Variants in ALG12 observed in about 807,000 individuals in gnomAD.
ALG12 encodes the protein ALG12 alpha-1,6-mannosyltransferase.
ALG12 carries 36 observed loss-of-function variants against 46.0 expected under a neutral mutation model. That is an observed-to-expected ratio of 0.78 (90% CI 0.60 to 1.03). The LOEUF is 1.03. Among genes scored for constraint, ALG12 ranks in the 50% least tolerant of loss-of-function variants. The probability of loss-of-function intolerance (pLI) is 0.00; values close to 1 mark genes in which losing one functional copy is unlikely to be tolerated. For missense variants in ALG12, 599 were observed against 633.5 expected, an observed-to-expected ratio of 0.95 and a Z score of 0.58; for synonymous variants, 326 against 291.6, an observed-to-expected ratio of 1.12 and a Z score of -1.20.
the ALG12 span, among the ~76,000 whole-genome samples, chr22:49,881,203 GC>G: frequency 6.6e-6 from 1 of 152,186 alleles, no homozygotes; most frequent in Non-Finnish European, 1.5e-5. Context: ...AAAGGAATTA[GC>G]CGGGTGTCAT....
At chr22:49,883,403 C>G in the ALG12 span, 1 of 340,898 alleles carries the variant, frequency 2.9e-6, no homozygotes, top group Admixed American at 4.4e-5. Flanking sequence ...ACCAGAAGCA[C>G]GTCTCTGCTG....
At chr22:49,915,936 G>T (rs971362509) in intron 1 of ALG12, among the ~76,000 whole-genome samples, 1 of 152,144 alleles carries the variant, frequency 6.6e-6, no homozygotes, top group South Asian at 2.1e-4. Context: ...CCTACATGGG[G>T]TTCTCATCAC....
At chr22:49,883,634 A>C in the ALG12 span, 4 of 1,509,008 alleles carry the variant, frequency 2.7e-6, no homozygotes, top group Non-Finnish European at 3.6e-6. Flanking sequence ...TATGAACCTA[A>C]GATACAGCCG....
chr22:49,897,707 G>A (rs1437001950), downstream of ALG12, among the ~76,000 whole-genome samples: 1 of 126,918 alleles, frequency 7.9e-6, no homozygotes, highest in Non-Finnish European at 1.6e-5. Context: ...TTGCTCTGTC[G>A]CCCAGGCTGC....
chr22:49,870,943 A>AGTTT, the ALG12 span, among the ~76,000 whole-genome samples: 2 of 138,112 alleles, frequency 1.4e-5, no homozygotes, highest in African/African-American at 2.7e-5. Flanking sequence ...TAAAAGATAG[A>AGTTT]TTTTTTTTTT....
the ALG12 span, chr22:49,886,055 C>G: frequency 1.5e-6 from 1 of 681,164 alleles, no homozygotes; most frequent in Non-Finnish European, 2.7e-6. The surrounding 1 kb of genome is among the most constrained non-coding windows in gnomAD (Gnocchi z 7.7). Context: ...TGGGTGACCT[C>G]CACCGGCCTT....
chr22:49,916,658 C>T (rs1179265158), intron 1 of ALG12, among the ~76,000 whole-genome samples: 1 of 152,240 alleles, frequency 6.6e-6, no homozygotes, highest in Non-Finnish European at 1.5e-5. Flanking sequence ...TCAAGACCAA[C>T]CTGGGCTACA....
At chr22:49,899,574 GACC>G (rs906971921), downstream of ALG12, among the ~76,000 whole-genome samples, 1 of 151,914 alleles carries the variant, frequency 6.6e-6, no homozygotes. Flanking sequence ...TGCAAAATGG[GACC>G]ACCCTGTGGA....
At chr22:49,875,428 T>C in the ALG12 span, among the ~76,000 whole-genome samples, 9 of 151,434 alleles carry the variant, frequency 5.9e-5, no homozygotes, top group South Asian at 2.1e-4. Context: ...CTTTTTTTTT[T>C]TCTTTTTTTT....
At chr22:49,875,908 C>T in the ALG12 span, among the ~76,000 whole-genome samples, 1 of 151,084 alleles carries the variant, frequency 6.6e-6, no homozygotes, top group East Asian at 1.9e-4. Flanking sequence ...ATTGCTCTTT[C>T]CCAAGAACCA....
chr22:49,886,440 G>A, the ALG12 span: 1 of 1,581,062 alleles, frequency 6.3e-7, no homozygotes, highest in Non-Finnish European at 8.6e-7. This position sits in a 1 kb window ranked among gnomAD's most constrained non-coding sequence, Gnocchi z 7.7. Flanking sequence ...GCTGCGACCA[G>A]TGGGAGGTCA....
At chr22:49,880,244 T>C in the ALG12 span, among the ~76,000 whole-genome samples, 1 of 152,200 alleles carries the variant, frequency 6.6e-6, no homozygotes, top group East Asian at 1.9e-4. Flanking sequence ...TCACTCTTGG[T>C]GGTGGAAACA....
At chr22:49,883,965 C>T in the ALG12 span, 59 of 1,613,386 alleles carry the variant, frequency 3.7e-5, no homozygotes, top group Non-Finnish European at 4.7e-5. Context: ...CCATGGAGGC[C>T]GTGACCCAGA....
rs199552388 is a variant in ALG12 at position 49,903,719 on chromosome 22, T to C, written c.*119A>G. Reference sequence around the variant, plus strand: ...TGGTCTGGTGTCTGTCAGAGGCAGGTGCCCAGTCCTTTGACTTGCTTCTCT... The same window carrying C: ...TGGTCTGGTGTCTGTCAGAGGCAGGCGCCCAGTCCTTTGACTTGCTTCTCT... On this transcript the variant is annotated 3_prime_UTR_variant, in exon 10 of 10. Transcript: ENST00000330817. 1.7e-6 allele frequency: 2 copies of C among 1,156,216 alleles called. No homozygotes were observed. Among genetic ancestry groups the C allele is most frequent in the South Asian group, 1.3e-5 (1 of 77,556 alleles). The allele number at this position is 1,156,216 out of a possible 1,614,324, so 71.6% of individuals were successfully genotyped here.
chr22:49,886,469 C>T, the ALG12 span: 49 of 1,569,126 alleles, frequency 3.1e-5, no homozygotes, highest in Admixed American at 2.4e-4. The surrounding 1 kb of genome is among the most constrained non-coding windows in gnomAD (Gnocchi z 7.7). Context: ...GTGTGCCGTG[C>T]GCTAAAGCCC....
At position 49,901,265 on chromosome 22, in the gene ALG12, A is replaced by G. The variant is rs2060503555; in HGVS notation, c.*2573T>C. 1 of 152,298 alleles carries G rather than the reference A, an allele frequency of 6.6e-6. No homozygotes were observed. Among genetic ancestry groups the G allele is most frequent in the South Asian group, 2.1e-4 (1 of 4,838 alleles). The allele number at this position is 152,298 out of a possible 1,614,324, so 9.4% of individuals were successfully genotyped here. A position where few individuals can be genotyped will look rare whatever the true frequency, so the allele number is the denominator to read the frequency against. On this transcript the variant is annotated 3_prime_UTR_variant, in exon 10 of 10. Transcript: ENST00000330817. Reference sequence around the variant, plus strand: ...CCCATGTCTGTGGGATGCTGGGGCCAGGAAGCCTGCTCTCCAGCCCTCACC... The same window carrying G: ...CCCATGTCTGTGGGATGCTGGGGCCGGGAAGCCTGCTCTCCAGCCCTCACC...
rs762397075 is a variant in ALG12 at position 49,909,242 on chromosome 22, A to AC, written c.768+1dup. On this transcript the variant is annotated splice_donor_variant, in intron 6 of 9. Transcript: ENST00000330817. LOFTEE classifies it high-confidence loss of function. ...CCCTCCTGCACGGACACTGAAGGAT[A>AC]CCCCCCAGTTGGAGCTTTTGTTCAG... is the stretch of plus-strand genomic sequence containing the variant. 3.1e-6 allele frequency: 5 copies of AC among 1,613,886 alleles called. No individual in the cohort carries two copies. Among genetic ancestry groups the AC allele is most frequent in the Admixed American group, 3.3e-5 (2 of 59,976 alleles).
chr22:49,912,508 T>C (rs1312086598), intron 3 of ALG12, among the ~76,000 whole-genome samples: 2 of 152,204 alleles, frequency 1.3e-5, no homozygotes, highest in African/African-American at 4.8e-5. Context: ...CATGCACGGC[T>C]TGTCCAGCTG....
chr22:49,898,088 C>T (rs879335376), downstream of ALG12, among the ~76,000 whole-genome samples: 7 of 152,028 alleles, frequency 4.6e-5, no homozygotes, highest in Non-Finnish European at 1.0e-4. Flanking sequence ...CAGCCTTGAC[C>T]TCCTGGGCTC....
Sources: allele counts gnomAD v4.1 joint callset (sites outside exome capture counted in the v4.1 genomes callset), GRCh38; gene constraint gnomAD v4.1.1; non-coding constraint Gnocchi (gnomAD v3.1); transcripts MANE v1.5; gene names NCBI Gene and HGNC (gene_info 2026-07-23, HGNC 2026-07-21).